TTI2: variants seen among roughly 807,000 people sequenced by gnomAD.
The protein encoded by TTI2 is TELO2 interacting protein 2.
In TTI2, 26 loss-of-function variants were observed where a neutral mutation model predicts 44.9. The observed-to-expected ratio is 0.58, with a 90% CI of 0.42 to 0.80. TTI2 has a LOEUF of 0.80. Among genes scored for constraint, TTI2 ranks in the 30% least tolerant of loss-of-function variants. The probability of loss-of-function intolerance (pLI) is 0.00; values close to 1 mark genes in which losing one functional copy is unlikely to be tolerated. For synonymous variants in TTI2, 254 were observed against 250.9 expected, an observed-to-expected ratio of 1.01 and a Z score of -0.12; for missense variants, 582 against 611.6, an observed-to-expected ratio of 0.95 and a Z score of 0.51.
intron 7 of TTI2, chr8:33,499,586 G>A: frequency 3.7e-6 from 1 of 271,530 alleles, no homozygotes; most frequent in Non-Finnish European, 7.1e-6. Flanking sequence ...AACTGCCCAA[G>A]ATTAAAGAGC....
At chr8:33,501,095 T>C (rs1301490515) in intron 6 of TTI2, 2 of 152,670 alleles carry the variant, frequency 1.3e-5, no homozygotes, top group Non-Finnish European at 2.9e-5. Context: ...ATATTGTGAC[T>C]GTACTTAATG....
At chr8:33,502,554 G>A (rs1280179127) in intron 6 of TTI2, among the ~76,000 whole-genome samples, 1 of 152,030 alleles carries the variant, frequency 6.6e-6, no homozygotes, top group Non-Finnish European at 1.5e-5. Flanking sequence ...GCCAGGCACA[G>A]TGGCCCACGC....
chr8:33,503,412 C>T lies in TTI2; in HGVS notation c.1259+17G>A, dbSNP rs750413886. ...AGAGAAAATCGGCTGAGTTTTGCAC[C>T]TTAAGGCTGCTATTACCTGGGCCAA... On this transcript the variant is annotated intron_variant, in intron 6 of 7. Coordinates refer to ENST00000431156, the MANE Select transcript of TTI2 (RefSeq NM_001102401.4). 1 of 1,614,044 alleles carries T rather than the reference C, an allele frequency of 6.2e-7. No individual in the cohort carries two copies. Among genetic ancestry groups the T allele is most frequent in the East Asian group, 2.2e-5 (1 of 44,874 alleles).
chr8:33,502,289 T>G (rs909544570), intron 6 of TTI2, among the ~76,000 whole-genome samples: 2 of 152,148 alleles, frequency 1.3e-5, no homozygotes, highest in Admixed American at 6.5e-5. Context: ...TTAAATGATG[T>G]GCTATGAAGT....
intron 5 of TTI2, 45 bp from the exon 6 acceptor site, chr8:33,503,617 C>A: frequency 6.2e-7 from 1 of 1,611,128 alleles, no homozygotes. Flanking sequence ...GTGGCTCATG[C>A]CTGTAATCCC....
intron 7 of TTI2, chr8:33,499,761 G>T (rs571744234): frequency 6.1e-6 from 1 of 162,836 alleles, no homozygotes; most frequent in East Asian, 1.8e-4. Context: ...TTTCTAAAAG[G>T]GGTAAGAAAT....
chr8:33,503,250 T>A (rs536701229), intron 6 of TTI2, among the ~76,000 whole-genome samples, 179 bp downstream of exon 6: 2 of 152,110 alleles, frequency 1.3e-5, no homozygotes, highest in African/African-American at 4.8e-5. Context: ...CAAGTAACTA[T>A]AGTATATTTT....
In TTI2 at chr8:33,507,296, T is replaced by C; in HGVS notation, c.860A>G (p.Asn287Ser). 1 of 1,614,152 alleles carries C rather than the reference T, an allele frequency of 6.2e-7. No homozygotes were observed. The highest frequency in any genetic ancestry group is 1.1e-5 in the South Asian group (1 of 91,080). ...GGCATGGTATAGGACCTGGGCTCTG[T>C]TATACTGGAGCAAATCAGCAGCTGG... ...NVPAADLLQY[N>S]RAQVLYHAIS... is the part of the protein sequence containing the mutation. The change falls in exon 4 of 8, where the codon AAC (asparagine) becomes AGC (serine). Residue 287 changes from asparagine (N) to serine (S), a missense_variant. Coordinates refer to ENST00000431156, the MANE Select transcript of TTI2 (RefSeq NM_001102401.4).
In TTI2 at chr8:33,512,154, CA is replaced by C. The variant is rs35476971; in HGVS notation, c.459del (p.Phe153LeufsTer53). On this transcript the variant is annotated frameshift_variant, in exon 2 of 8. Transcript: ENST00000431156. LOFTEE classifies it high-confidence loss of function. Reference protein sequence around the residue: ...LHHLAGPVYIFAITHSLEQPW... With the variant: ...LHHLAGPVYIXAITHSLEQPW... ...GGTTGCTCCAAGCTGTGTGTGATGG[CA>C]AAAATATAAACGGGTCCTGCCAAGT... 1 of 1,614,120 alleles carries C rather than the reference CA, an allele frequency of 6.2e-7. No individual in the cohort carries two copies. Among genetic ancestry groups the C allele is most frequent in the South Asian group, 1.1e-5 (1 of 91,084 alleles).
At position 33,512,476 on chromosome 8, in the gene TTI2, A is replaced by G. The variant is rs3098657; in HGVS notation, c.138T>C (p.Asn46=). ...GGTCTTTAAGAACTGCATCTTTTAC[A>G]TTGCCTCGTCGTGCCTCCGGGCGGG... is the stretch of plus-strand genomic sequence containing the variant. ...CLARPEARRG[N]VKDAVLKDLG... The change falls in exon 2 of 8, where the codon AAT becomes AAC. Residue 46 remains asparagine (N), a synonymous_variant. Transcript: ENST00000431156. 1,011,956 of 1,613,874 alleles carry G rather than the reference A, an allele frequency of 0.63. 319,771 individuals are homozygous for G. The highest frequency in any genetic ancestry group is 0.67 in the African/African-American group (50,041 of 74,950).
intron 2 of TTI2, 103 bp from the exon 3 acceptor site, chr8:33,510,035 G>GA (rs551261942): frequency 3.9e-3 from 3,096 of 802,194 alleles, no homozygotes; most frequent in East Asian, 4.9e-3. Context: ...TCATGTCTTT[G>GA]AAAAAAAAAA....
At position 33,498,967 on chromosome 8, in the gene TTI2, C is replaced by T; in HGVS notation, c.*206G>A. ...CATTACTTGGTGTCCTTTTTTCTCCCAAACTTTATTTAGAAATGGAAGGAG... is the reference window on the plus strand; with the variant it reads ...CATTACTTGGTGTCCTTTTTTCTCCTAAACTTTATTTAGAAATGGAAGGAG... On this transcript the variant is annotated 3_prime_UTR_variant, in exon 8 of 8. Transcript: ENST00000431156. 3.4e-6 allele frequency: 2 copies of T among 589,454 alleles called. No individual in the cohort carries two copies. The highest frequency in any genetic ancestry group is 3.0e-6 in the Non-Finnish European group (1 of 336,068). 36.5% of individuals were successfully genotyped at this position (589,454 alleles called of 1,614,324 possible).
chr8:33,509,910 C>T lies in TTI2; in HGVS notation c.670G>A (p.Ala224Thr), dbSNP rs113348351. Reference protein sequence around the residue: ...LYKESWKNNPAIKHVFSWTLQ... With the variant: ...LYKESWKNNPTIKHVFSWTLQ... ...GTCCATGAGAAAACATGTTTGATGG[C>T]AGGGTTATTCTTCCAGGATTCCCTA... Residue 224 changes from alanine to threonine, a missense_variant, in exon 3 of 8, where the codon GCC becomes ACC. Ala to Thr is a moderately conservative substitution (Grantham distance 58). Transcript: ENST00000431156. The T allele has an allele frequency of 6.3e-7, 1 of 1,588,826 alleles. No individual in the cohort carries two copies. Among genetic ancestry groups the T allele is most frequent in the Non-Finnish European group, 8.6e-7 (1 of 1,169,120 alleles).
At position 33,498,913 on chromosome 8, in the gene TTI2, A is replaced by G; in HGVS notation, c.*260T>C. On this transcript the variant is annotated 3_prime_UTR_variant, in exon 8 of 8. Transcript: ENST00000431156. Reference sequence around the variant, plus strand: ...TCTTGAATCTGGGATGAGATGACGGATGTAAATATTTCTAAATTTTAAATG... The same window carrying G: ...TCTTGAATCTGGGATGAGATGACGGGTGTAAATATTTCTAAATTTTAAATG... 1.7e-6 allele frequency: 1 copy of G among 579,068 alleles called. No individual in the cohort carries two copies. Among genetic ancestry groups the G allele is most frequent in the Non-Finnish European group, 3.0e-6 (1 of 329,106 alleles). 35.9% of individuals were successfully genotyped at this position (579,068 alleles called of 1,614,324 possible).
intron 3 of TTI2, among the ~76,000 whole-genome samples, chr8:33,508,193 C>A (rs575996739): frequency 6.9e-6 from 1 of 145,078 alleles, no homozygotes; most frequent in Non-Finnish European, 1.5e-5. Context: ...AGAATACTCT[C>A]TCTTGTGAAG....
intron 4 of TTI2, among the ~76,000 whole-genome samples, chr8:33,506,390 T>C (rs80244239): frequency 1.0e-4 from 2 of 19,082 alleles, no homozygotes; most frequent in African/African-American, 3.5e-4. Context: ...AGTAACGTAC[T>C]TTTTTTTTTT....
Position 33,498,768 on chromosome 8 carries a change from GC to G in TTI2, c.*404del. On this transcript the variant is annotated 3_prime_UTR_variant, in exon 8 of 8. Transcript: ENST00000431156. ...CAATATTTGTGTTTTTATTATTTATGCCACGTCAGTGGGGCAAGAAATCTGG... is the reference window on the plus strand; with the variant it reads ...CAATATTTGTGTTTTTATTATTTATGCACGTCAGTGGGGCAAGAAATCTGG... 1 of 765,520 alleles carries G rather than the reference GC, an allele frequency of 1.3e-6. No individual in the cohort carries two copies. The highest frequency in any genetic ancestry group is 1.8e-5 in the African/African-American group (1 of 55,554). The allele number at this position is 765,520 out of a possible 1,614,324, so 47.4% of individuals were successfully genotyped here.
In TTI2 at chr8:33,503,689, G is replaced by A. The variant is rs935995275; in HGVS notation, c.1115+59C>T. ...GGCCAGGAGCTCGAGAGCAGCTCAAGCAACATAGCAAGATCCTGTCTGTAT... is the reference window on the plus strand; with the variant it reads ...GGCCAGGAGCTCGAGAGCAGCTCAAACAACATAGCAAGATCCTGTCTGTAT... On this transcript the variant is annotated intron_variant, in intron 5 of 7. Transcript: ENST00000431156. 24 of 1,609,666 alleles carry A rather than the reference G, an allele frequency of 1.5e-5. 1 individual carries two copies. Among genetic ancestry groups the A allele is most frequent in the Non-Finnish European group, 1.7e-6 (2 of 1,177,684 alleles).
rs141729120 is a variant in TTI2 at position 33,504,565 on chromosome 8, G to T, written c.928-630C>A. Among the ~76,000 whole-genome samples the T allele has an allele frequency of 8.6e-5, 13 of 151,948 alleles. No homozygotes were observed. In the East Asian group the frequency reaches 2.1e-3, roughly 25 times the overall value. On this transcript the variant is annotated intron_variant, in intron 4 of 7. Coordinates refer to ENST00000431156, the MANE Select transcript of TTI2 (RefSeq NM_001102401.4). ...GCTAGGATTTATCCCTAGGCCAGGG[G>T]TATCCAATCTTTTGGCTTCCCTGGG...
Sources: allele counts gnomAD v4.1 joint callset (sites outside exome capture counted in the v4.1 genomes callset), GRCh38; gene constraint gnomAD v4.1.1; transcripts MANE v1.5; gene names NCBI Gene and HGNC (gene_info 2026-07-23, HGNC 2026-07-21).